Variants in GLB1L3 observed in about 807,000 individuals in gnomAD.
GLB1L3 encodes beta-galactosidase-1-like protein 3.
A neutral mutation model predicts 89.5 loss-of-function variants in GLB1L3; 89 were observed. That is an observed-to-expected ratio of 0.99 (90% confidence interval 0.84 to 1.19). The LOEUF is 1.19. Ranked by LOEUF, GLB1L3 falls within the 50% of genes most tolerant of loss-of-function variation. The pLI is 0.00. For missense variants in GLB1L3, 812 were observed against 813.3 expected (o/e 1.00, Z 0.02); for synonymous variants, 314 against 312.3 (o/e 1.01, Z -0.06).
In GLB1L3 at chr11:134,282,043, C is replaced by A. The variant is rs770897644; in HGVS notation, c.450C>A (p.Ala150=). 1 of 1,569,850 alleles carries A rather than the reference C, an allele frequency of 6.4e-7. No individual in the cohort carries two copies. Among genetic ancestry groups the A allele is most frequent in the African/African-American group, 1.4e-5 (1 of 72,770 alleles). ...TCCCTAGGGCCTTCGTCCTGATGGC[C>A]GCAGAGATCGGGCTGTGGGTGATTC... The part of the protein sequence containing the change: ...NLDLEAFVLM[A]AEIGLWVILR... Residue 150 remains alanine, a synonymous_variant, in exon 5 of 20, where the codon GCC becomes GCA. Transcript: ENST00000431683.
In GLB1L3 at chr11:134,301,029, C is replaced by T. The variant is rs562748048; in HGVS notation, c.877-6095C>T. Among the ~76,000 whole-genome samples the T allele has an allele frequency of 1.5e-3, 228 of 152,304 alleles. 2 individuals carry two copies. Among genetic ancestry groups the T allele is most frequent in the African/African-American group, 5.1e-3 (212 of 41,576 alleles). ...TTAAAGCCAGCATCAGGGTGTCAGCCGCCATCCGTCTCGGCTCCCTTGACT... is the reference window on the plus strand; with the variant it reads ...TTAAAGCCAGCATCAGGGTGTCAGCTGCCATCCGTCTCGGCTCCCTTGACT... On this transcript the variant is annotated intron_variant, in intron 9 of 19. Transcript: ENST00000431683.
intron 12 of GLB1L3, 24 bp downstream of exon 12, chr11:134,310,675 C>A (rs769442387): frequency 1.3e-6 from 2 of 1,547,674 alleles, no homozygotes; most frequent in South Asian, 2.2e-5. Flanking sequence ...ATTTAACTTA[C>A]GGGCCAGCCC....
chr11:134,315,598 T>C (rs376114243), intron 18 of GLB1L3, among the ~76,000 whole-genome samples: 17 of 152,230 alleles, frequency 1.1e-4, no homozygotes, highest in Middle Eastern at 3.2e-3. Context: ...ATATATTGCC[T>C]TTAAAATATT....
rs1487089020 is a variant in GLB1L3, at chr11:134,308,553, C to T, written c.962-1073C>T. 3.4e-4 allele frequency among the ~76,000 whole-genome samples: 15 copies of T among 44,586 alleles called. 1 individual carries two copies. Among genetic ancestry groups the T allele is most frequent in the Admixed American group, 7.1e-4 (3 of 4,216 alleles). The allele number at this position is 44,586 out of a possible 152,430, so 29.3% of individuals were successfully genotyped here. A position where few individuals can be genotyped will look rare whatever the true frequency, so the allele number is the denominator to read the frequency against. ...ACCACTACCACCACCATCACCATCA[C>T]CATCACCACCACCACCACCATCACC... is the stretch of plus-strand genomic sequence containing the variant. On this transcript the variant is annotated intron_variant, in intron 10 of 19. Transcript: ENST00000431683.
chr11:134,316,915 T>A (rs1423622122), intron 18 of GLB1L3: 2 of 152,228 alleles, frequency 1.3e-5, no homozygotes, highest in African/African-American at 4.8e-5. Context: ...TCCAGAACTT[T>A]GCTATAGTAG....
At position 134,281,647 on chromosome 11, in the gene GLB1L3, G is replaced by A. The variant is rs367605462; in HGVS notation, c.431+202G>A. Among the ~76,000 whole-genome samples the A allele has an allele frequency of 7.5e-3, 972 of 129,532 alleles. 8 individuals are homozygous for A. The highest frequency in any genetic ancestry group is 0.026 in the African/African-American group (924 of 35,780). 85.0% of individuals were successfully genotyped at this position (129,532 alleles called of 152,430 possible). A position where few individuals can be genotyped will look rare whatever the true frequency, so the allele number is the denominator to read the frequency against. On this transcript the variant is annotated intron_variant, in intron 4 of 19. Coordinates refer to ENST00000431683, the MANE Select transcript of GLB1L3 (RefSeq NM_001080407.3). ...CAGAGGGACTGGGCCTGCAGCCTCC[G>A]GGCCCCACCTCTCCACTGCAGCCCA...
intron 10 of GLB1L3, among the ~76,000 whole-genome samples, chr11:134,308,489 TCACCACCAAATACC>T (rs1942485935): frequency 1.6e-4 from 1 of 6,102 alleles, no homozygotes; most frequent in Non-Finnish European, 3.0e-4. Context: ...ACCACCACCA[TCACCACCAAATACC>T]ACCACCACCA....
intron 7 of GLB1L3, among the ~76,000 whole-genome samples, chr11:134,289,949 C>T (rs1941252063): frequency 6.6e-6 from 1 of 152,244 alleles, no homozygotes; most frequent in Non-Finnish European, 1.5e-5. Context: ...CCGCCCTTGC[C>T]TCTGCAGCAG....
At chr11:134,317,697 T>C (rs1413241416) in intron 18 of GLB1L3, among the ~76,000 whole-genome samples, 1 of 152,218 alleles carries the variant, frequency 6.6e-6, no homozygotes, top group East Asian at 1.9e-4. Flanking sequence ...TCATCTTCTT[T>C]TAAATGTTTT....
intron 13 of GLB1L3, 33 bp from the exon 14 acceptor site, chr11:134,312,316 T>C (rs1591589812): frequency 6.8e-6 from 11 of 1,609,248 alleles, no homozygotes; most frequent in African/African-American, 4.0e-5. Flanking sequence ...TGCTCAGCCC[T>C]TGGACTTCTG....
intron 9 of GLB1L3, among the ~76,000 whole-genome samples, chr11:134,302,333 T>C (rs1217496222): frequency 5.9e-5 from 9 of 152,216 alleles, no homozygotes; most frequent in African/African-American, 1.7e-4. Flanking sequence ...TGTGGTTTCA[T>C]TGATTTCTTA....
chr11:134,286,923 G>T (rs934426719), intron 6 of GLB1L3, among the ~76,000 whole-genome samples: 1 of 151,548 alleles, frequency 6.6e-6, no homozygotes, highest in African/African-American at 2.4e-5. Flanking sequence ...CACTTTGGGA[G>T]GCCGAGGTGG....
intron 11 of GLB1L3, chr11:134,310,246 A>G: frequency 2.6e-6 from 1 of 390,092 alleles, no homozygotes; most frequent in South Asian, 4.7e-5. Flanking sequence ...ATGTTTTAAG[A>G]AAGTTTATGA....
chr11:134,322,685 T>TTTGGC (rs1364812464), downstream of GLB1L3, among the ~76,000 whole-genome samples: 1 of 152,230 alleles, frequency 6.6e-6, no homozygotes, highest in Non-Finnish European at 1.5e-5. Flanking sequence ...ACCCTTTGTG[T>TTTGGC]TTGGCTTCTT....
chr11:134,315,292 C>T (rs549085856), intron 18 of GLB1L3, among the ~76,000 whole-genome samples: 14 of 152,166 alleles, frequency 9.2e-5, no homozygotes, highest in Non-Finnish European at 1.5e-4. Flanking sequence ...ATTAAGACTT[C>T]GTTTGTGTTT....
chr11:134,280,604 G>A (rs1940630184), intron 3 of GLB1L3, among the ~76,000 whole-genome samples: 1 of 151,834 alleles, frequency 6.6e-6, no homozygotes, highest in African/African-American at 2.4e-5. Flanking sequence ...CTCTAATTCA[G>A]TCAGCTTCTC....
In GLB1L3 at chr11:134,276,512, G is replaced by C. The variant is rs3132809; in HGVS notation, c.-229G>C. The C allele has an allele frequency of 0.39, 147,988 of 381,156 alleles. 29,531 individuals are homozygous for C. The highest frequency in any genetic ancestry group is 0.46 in the Admixed American group (9,988 of 21,748). 23.6% of individuals were successfully genotyped at this position (381,156 alleles called of 1,614,324 possible). On this transcript the variant is annotated 5_prime_UTR_variant, in exon 1 of 20. Transcript: ENST00000431683. ...GACGCACTGCGGGAACACCTGGAGC[G>C]CCGGCGGAGCTCGGCTGTCCCCGCG...
At position 134,310,560 on chromosome 11, in the gene GLB1L3, G is replaced by C; in HGVS notation, c.1100-11G>C. Reference sequence around the variant, plus strand: ...ACTGCATGGCTGGTGACTGGCCCTGGTGTCTTGCAGACTATGATGCAGTGC... The same window carrying C: ...ACTGCATGGCTGGTGACTGGCCCTGCTGTCTTGCAGACTATGATGCAGTGC... On this transcript the variant is annotated splice_polypyrimidine_tract_variant and intron_variant, in intron 11 of 19. Transcript: ENST00000431683. 1 of 1,608,284 alleles carries C rather than the reference G, an allele frequency of 6.2e-7. No homozygotes were observed.
chr11:134,313,755 C>T (rs1158670441), intron 16 of GLB1L3, among the ~76,000 whole-genome samples, 186 bp from the exon 17 acceptor site: 1 of 152,232 alleles, frequency 6.6e-6, no homozygotes, highest in Non-Finnish European at 1.5e-5. Flanking sequence ...AGTGGGGGAA[C>T]TTTCTTGGTA....
Sources: allele counts gnomAD v4.1 joint callset (sites outside exome capture counted in the v4.1 genomes callset), GRCh38; gene constraint gnomAD v4.1.1; transcripts MANE v1.5; gene names NCBI Gene and HGNC (gene_info 2026-07-23, HGNC 2026-07-21).